The following MGMT variants were observed in gnomAD, a reference collection of about 807,000 sequenced individuals.
MGMT encodes the protein methylated-DNA--protein-cysteine methyltransferase.
MGMT carries 14 observed loss-of-function variants against 15.9 expected under a neutral mutation model. The ratio of observed to expected loss-of-function variants is 0.88; its 90% CI spans 0.58 to 1.37. The LOEUF (loss-of-function observed/expected upper bound fraction) is 1.37, where lower values mean the gene tolerates loss of function less well. MGMT is among the 40% of genes most tolerant of loss of function. The pLI is 0.00. For synonymous variants in MGMT, 130 were observed against 118.2 expected, an observed-to-expected ratio of 1.10 and a Z score of -0.65; for missense variants, 282 against 268.1, an observed-to-expected ratio of 1.05 and a Z score of -0.36.
In MGMT at chr10:129,766,731, C is replaced by A. The variant is rs1387240385; in HGVS notation, c.415-57C>A. The A allele has an allele frequency of 2.0e-6, 3 of 1,512,764 alleles. No individual in the cohort carries two copies. The Admixed American group carries it at 5.6e-5, about 28-fold the overall frequency. 93.7% of individuals were successfully genotyped at this position (1,512,764 alleles called of 1,614,324 possible). ...GTCAGTCAGGGCCTTGGCCTTGACCCCAAAGACCTCGTTGTCCAGATCCCT... is the reference window on the plus strand; with the variant it reads ...GTCAGTCAGGGCCTTGGCCTTGACCACAAAGACCTCGTTGTCCAGATCCCT... On this transcript the variant is annotated intron_variant, in intron 4 of 4. Coordinates refer to ENST00000651593, the MANE Select transcript of MGMT (RefSeq NM_002412.5).
At chr10:129,720,080 A>G (rs1848351603) in intron 3 of MGMT, among the ~76,000 whole-genome samples, 1 of 152,094 alleles carries the variant, frequency 6.6e-6, no homozygotes, top group South Asian at 2.1e-4. Context: ...CTTGCTTGCT[A>G]TGTGTACGAG....
chr10:129,760,149 C>T (rs1848855400), intron 4 of MGMT, among the ~76,000 whole-genome samples: 1 of 152,220 alleles, frequency 6.6e-6, no homozygotes, highest in Non-Finnish European at 1.5e-5. Context: ...TCCCATCTCA[C>T]AGCACCCAGG....
intron 1 of MGMT, among the ~76,000 whole-genome samples, chr10:129,526,633 G>A (rs901672073): frequency 5.9e-5 from 9 of 152,162 alleles, no homozygotes; most frequent in East Asian, 3.9e-4. Flanking sequence ...AGGTCGGACC[G>A]CAGGTGCACG....
chr10:129,602,640 T>C (rs1846837735), intron 2 of MGMT, among the ~76,000 whole-genome samples: 1 of 152,134 alleles, frequency 6.6e-6, no homozygotes, highest in South Asian at 2.1e-4. Context: ...AAGCACAAGA[T>C]ACATGGGAGG....
At chr10:129,468,825 C>T (rs1845199477) in intron 1 of MGMT, among the ~76,000 whole-genome samples, 1 of 152,076 alleles carries the variant, frequency 6.6e-6, no homozygotes, top group African/African-American at 2.4e-5. Flanking sequence ...GCGGAGGTTG[C>T]AGTGAGCCGA....
chr10:129,484,148 A>G (rs189326606), intron 1 of MGMT, among the ~76,000 whole-genome samples: 42 of 152,278 alleles, frequency 2.8e-4, no homozygotes, highest in African/African-American at 9.4e-4. Flanking sequence ...GGTGTGCTCA[A>G]CCTTGTTTTA....
intron 2 of MGMT, among the ~76,000 whole-genome samples, chr10:129,657,416 G>C (rs867625989): frequency 6.7e-6 from 1 of 148,308 alleles, no homozygotes; most frequent in Non-Finnish European, 1.5e-5. Flanking sequence ...GGTGGGGGGG[G>C]GAGCAACAAA....
chr10:129,703,253 T>C (rs1046558530), intron 2 of MGMT, among the ~76,000 whole-genome samples: 1 of 152,224 alleles, frequency 6.6e-6, no homozygotes, highest in Non-Finnish European at 1.5e-5. Flanking sequence ...TGAATTTTAC[T>C]ACTATAAAAA....
chr10:129,550,603 C>A (rs1055024391), intron 2 of MGMT, among the ~76,000 whole-genome samples: 1 of 152,142 alleles, frequency 6.6e-6, no homozygotes, highest in African/African-American at 2.4e-5. Context: ...CACGCCACCA[C>A]GCCCAGCTAA....
intron 2 of MGMT, among the ~76,000 whole-genome samples, chr10:129,552,571 G>GGT (rs1394655797): frequency 6.6e-6 from 1 of 152,204 alleles, no homozygotes; most frequent in Non-Finnish European, 1.5e-5. Context: ...TCCCTGTACC[G>GGT]GTGTCAGTTC....
intron 2 of MGMT, chr10:129,563,839 T>A (rs1203066815): frequency 6.6e-6 from 1 of 152,246 alleles, no homozygotes; most frequent in East Asian, 1.9e-4. Flanking sequence ...AACCTGGTGC[T>A]ATCGGGAACG....
intron 3 of MGMT, among the ~76,000 whole-genome samples, chr10:129,720,531 A>G (rs1217097054): frequency 1.3e-5 from 2 of 152,238 alleles, no homozygotes; most frequent in African/African-American, 4.8e-5. Flanking sequence ...CTGATATGCT[A>G]TGGATACAGT....
intron 3 of MGMT, among the ~76,000 whole-genome samples, chr10:129,744,173 G>A (rs748286569): frequency 2.6e-5 from 4 of 152,236 alleles, no homozygotes; most frequent in Non-Finnish European, 5.9e-5. Context: ...GCCCAGGGGA[G>A]TCTTGCTTAG....
rs1180247477 is a variant in MGMT at position 129,768,399 on chromosome 10, C to T, written c.*1402C>T. ...AGTCACACAGCGGGTCACGTAGACACGTGCTGTTTTGTGGGACAGGCCCTG... is the reference window on the plus strand; with the variant it reads ...AGTCACACAGCGGGTCACGTAGACATGTGCTGTTTTGTGGGACAGGCCCTG... On this transcript the variant is annotated 3_prime_UTR_variant, in exon 5 of 5. Coordinates refer to ENST00000651593, the MANE Select transcript of MGMT (RefSeq NM_002412.5). 2.6e-5 allele frequency among the ~76,000 whole-genome samples: 4 copies of T among 152,260 alleles called. No homozygotes were observed. The highest frequency in any genetic ancestry group is 1.9e-4 in the East Asian group (1 of 5,196).
intron 2 of MGMT, among the ~76,000 whole-genome samples, chr10:129,621,914 A>G (rs1462888307): frequency 2.0e-5 from 3 of 152,234 alleles, no homozygotes; most frequent in Non-Finnish European, 4.4e-5. Context: ...TTAACTATTA[A>G]GAGAGGAAGA....
chr10:129,608,128 A>C (rs573065267), intron 2 of MGMT, among the ~76,000 whole-genome samples: 5 of 152,246 alleles, frequency 3.3e-5, no homozygotes, highest in African/African-American at 4.8e-5. Context: ...GGTATAGTAC[A>C]TGTTTATAAT....
In MGMT at chr10:129,556,157, C is replaced by T. The variant is rs1375959757; in HGVS notation, c.125+19780C>T. On this transcript the variant is annotated intron_variant, in intron 2 of 4. Coordinates refer to ENST00000651593, the MANE Select transcript of MGMT (RefSeq NM_002412.5). This position sits in a 1 kb window ranked among gnomAD's most constrained non-coding sequence, Gnocchi z 4.3. ...GGTTTCATCGCCATTTAACCCTCCG[C>T]GTCTCACAGAGACCAAGCAGTGCTT... 6.6e-6 allele frequency among the ~76,000 whole-genome samples: 1 copy of T among 152,132 alleles called. No homozygotes were observed. The highest frequency in any genetic ancestry group is 1.5e-5 in the Non-Finnish European group (1 of 68,032).
chr10:129,562,068 G>A (rs1846286841), intron 2 of MGMT, among the ~76,000 whole-genome samples: 1 of 152,202 alleles, frequency 6.6e-6, no homozygotes, highest in East Asian at 1.9e-4. Context: ...GCGCCAGGCT[G>A]TAGGCTGAGG....
intron 1 of MGMT, among the ~76,000 whole-genome samples, chr10:129,473,951 C>T (rs1384268848): frequency 6.6e-6 from 1 of 152,122 alleles, no homozygotes; most frequent in African/African-American, 2.4e-5. Context: ...ACACGCTTCA[C>T]CATGTCCCTG....
Sources: allele counts gnomAD v4.1 joint callset (sites outside exome capture counted in the v4.1 genomes callset), GRCh38; gene constraint gnomAD v4.1.1; non-coding constraint Gnocchi (gnomAD v3.1); transcripts MANE v1.5; gene names NCBI Gene and HGNC (gene_info 2026-07-23, HGNC 2026-07-21).